FER1L5: variants seen among roughly 807,000 people sequenced by gnomAD.
FER1L5 encodes the protein fer-1 like family member 5, also known as fer-1-like protein 5.
A neutral mutation model predicts 279.9 loss-of-function variants in FER1L5; 187 were observed. The ratio of observed to expected loss-of-function variants is 0.67; its 90% CI spans 0.59 to 0.75. The LOEUF (loss-of-function observed/expected upper bound fraction) is 0.75, where lower values mean the gene tolerates loss of function less well. Among genes scored for constraint, FER1L5 ranks in the 30% least tolerant of loss-of-function variants. The pLI is 0.00. For missense variants in FER1L5, 2,091 were observed against 2,594.4 expected, an observed-to-expected ratio of 0.81 and a Z score of 4.21; for synonymous variants, 921 against 989.7, an observed-to-expected ratio of 0.93 and a Z score of 1.30.
At chr2:96,677,051 AG>A (rs1170528555) in intron 19 of FER1L5, among the ~76,000 whole-genome samples, 1 of 152,216 alleles carries the variant, frequency 6.6e-6, no homozygotes, top group Non-Finnish European at 1.5e-5. Flanking sequence ...CACGTTGGCC[AG>A]GCTGGTCTCG....
Position 96,656,495 on chromosome 2 carries a change from T to C in FER1L5, c.747+1999T>C, listed in dbSNP as rs2075605463. Among the ~76,000 whole-genome samples the C allele has an allele frequency of 2.0e-5, 3 of 152,304 alleles. No individual in the cohort carries two copies. In the South Asian group the frequency reaches 6.2e-4, roughly 32 times the overall value. On this transcript the variant is annotated intron_variant, in intron 9 of 52. Coordinates refer to ENST00000624922, the MANE Select transcript of FER1L5 (RefSeq NM_001293083.2). ...AAATACAGAAATTAGCTGGGTGTGG[T>C]GGCACATGCCTGTAATCCCAGCTAC...
In FER1L5 at chr2:96,702,536, G is replaced by A. The variant is rs551871000; in HGVS notation, c.5256-64G>A. On this transcript the variant is annotated intron_variant, in intron 47 of 52. Coordinates refer to ENST00000624922, the MANE Select transcript of FER1L5 (RefSeq NM_001293083.2). The surrounding 1 kb of genome is among the most constrained non-coding windows in gnomAD (Gnocchi z 4.0). ...GCGTCGGCTGGGCAGCCCTTCCCAT[G>A]GGGCTCCAGCTGGGGGATGGGGCCA... 231 of 1,550,990 alleles carry A rather than the reference G, an allele frequency of 1.5e-4. 3 individuals are homozygous for A. The South Asian group carries it at 2.5e-3, about 17-fold the overall frequency.
Position 96,701,987 on chromosome 2 carries a change from CAAG to C in FER1L5, c.5107_5109del (p.Lys1703del). ...TGCAAATGTGGGTGGACATCTTCCC[CAAG>C]AAGCTGGGGCCTCCTGGCCCCCAAG... On this transcript the variant is annotated inframe_deletion, in exon 46 of 53. Transcript: ENST00000624922. 6.2e-7 allele frequency: 1 copy of C among 1,614,002 alleles called. No individual in the cohort carries two copies. Among genetic ancestry groups the C allele is most frequent in the Non-Finnish European group, 8.5e-7 (1 of 1,179,890 alleles).
rs371465306 is a variant in FER1L5 at position 96,642,895 on chromosome 2, G to C, written c.59G>C (p.Arg20Thr). The C allele has an allele frequency of 8.4e-6, 13 of 1,551,056 alleles. No homozygotes were observed. In the African/African-American group the frequency reaches 1.4e-4, roughly 16 times the overall value. Residue 20 changes from arginine to threonine, a missense_variant, in exon 1 of 53, where the codon AGG (arginine) becomes ACG (threonine). Transcript: ENST00000624922. ...KIDPPLAPLP[R>T]PCMSIDFRDI... is the part of the protein sequence containing the mutation. ...GACCCACCACTAGCCCCACTACCCA[G>C]GCCCTGCATGTCCATCGACTTCAGA... is the stretch of plus-strand genomic sequence containing the variant.
At chr2:96,682,795 T>C (rs376190257) in intron 19 of FER1L5, among the ~76,000 whole-genome samples, 30 of 152,184 alleles carry the variant, frequency 2.0e-4, no homozygotes, top group East Asian at 3.9e-4. Context: ...AGCCTCAAAC[T>C]CCTGGGCTCA....
At chr2:96,704,189 C>G in intron 51 of FER1L5, 26 bp from the exon 52 acceptor site, 1 of 1,609,894 alleles carries the variant, frequency 6.2e-7, no homozygotes, top group Non-Finnish European at 8.5e-7. Flanking sequence ...CTGCCATTCT[C>G]TGACATCTCC....
At chr2:96,668,352 C>G (rs2076203333) in intron 14 of FER1L5, among the ~76,000 whole-genome samples, 1 of 150,156 alleles carries the variant, frequency 6.7e-6, no homozygotes, top group Admixed American at 6.6e-5. Context: ...AGTAAGGCAC[C>G]TGTCTCTACA....
At chr2:96,659,356 TC>T (rs1558853528) in intron 9 of FER1L5, among the ~76,000 whole-genome samples, 8 of 70,798 alleles carry the variant, frequency 1.1e-4, no homozygotes, top group African/African-American at 3.6e-4. Context: ...CTTCCTTCCT[TC>T]CTTCCTTCTT....
rs1455827134 is a variant in FER1L5, at chr2:96,685,265, T to A, written c.1795-64T>A. On this transcript the variant is annotated intron_variant, in intron 20 of 52. Transcript: ENST00000624922. ...AAACATCTTGGGCCAATCAGCCCTG[T>A]GGCCTGTCCAGCTGGGCTCCATGCT... 7.8e-6 allele frequency: 11 copies of A among 1,414,182 alleles called. No individual in the cohort carries two copies. In the Admixed American group the frequency reaches 8.2e-5, roughly 11 times the overall value. The allele number at this position is 1,414,182 out of a possible 1,614,324, so 87.6% of individuals were successfully genotyped here.
intron 39 of FER1L5, 96 bp from the exon 40 acceptor site, chr2:96,697,941 C>G: frequency 6.7e-7 from 1 of 1,496,436 alleles, no homozygotes; most frequent in Non-Finnish European, 9.0e-7. Flanking sequence ...CGCTGACTGC[C>G]AGATGCTTTG....
intron 19 of FER1L5, among the ~76,000 whole-genome samples, chr2:96,683,190 G>C (rs2076794372): frequency 6.6e-6 from 1 of 152,162 alleles, no homozygotes; most frequent in Non-Finnish European, 1.5e-5. Context: ...CTACAAGCCA[G>C]GTGGTTTTAG....
chr2:96,690,049 T>C (rs1451932512), intron 26 of FER1L5, among the ~76,000 whole-genome samples: 1 of 152,280 alleles, frequency 6.6e-6, no homozygotes, highest in South Asian at 2.1e-4. Context: ...CTGCTTGGGG[T>C]AGGCTAACCC....
In FER1L5 at chr2:96,704,785, C is replaced by A; in HGVS notation, c.*93C>A. 1 of 936,106 alleles carries A rather than the reference C, an allele frequency of 1.1e-6. No homozygotes were observed. Among genetic ancestry groups the A allele is most frequent in the Non-Finnish European group, 1.7e-6 (1 of 602,020 alleles). 58.0% of individuals were successfully genotyped at this position (936,106 alleles called of 1,614,324 possible). ...TTGTTTCTATCTTCTAGAATATATG[C>A]AAGATGCTAGGAATATTCTGGCTAT... On this transcript the variant is annotated 3_prime_UTR_variant, in exon 53 of 53. Coordinates refer to ENST00000624922, the MANE Select transcript of FER1L5 (RefSeq NM_001293083.2).
rs1558853348 is a variant in FER1L5, at chr2:96,659,348, TCCTTCCTTCCTTCC to T, written c.748-992_748-979del. ...TTCCTTCCTTCCTTCCTTCCTTCCT[TCCTTCCTTCCTTCC>T]TTCTTTCTTTCTTTCTTTCTTTCTT... On this transcript the variant is annotated intron_variant, in intron 9 of 52. Transcript: ENST00000624922. Among the ~76,000 whole-genome samples the T allele has an allele frequency of 1.6e-3, 131 of 81,498 alleles. 5 individuals are homozygous for T. The highest frequency in any genetic ancestry group is 2.9e-3 in the Admixed American group (17 of 5,856). The allele number at this position is 81,498 out of a possible 152,430, so 53.5% of individuals were successfully genotyped here.
intron 45 of FER1L5, 106 bp downstream of exon 45, chr2:96,700,577 C>T: frequency 6.8e-7 from 1 of 1,466,266 alleles, no homozygotes; most frequent in Non-Finnish European, 9.3e-7. Context: ...GAAGGACAGG[C>T]CAAACATTTA....
At chr2:96,701,390 G>A (rs1243004877) in intron 45 of FER1L5, among the ~76,000 whole-genome samples, 1 of 152,214 alleles carries the variant, frequency 6.6e-6, no homozygotes, top group Admixed American at 6.5e-5. Flanking sequence ...AGGTCAGGTG[G>A]TCTGAAAGGC....
chr2:96,701,697 C>T (rs191920930), intron 45 of FER1L5, among the ~76,000 whole-genome samples: 7 of 152,216 alleles, frequency 4.6e-5, no homozygotes, highest in Non-Finnish European at 7.4e-5. Context: ...CCAGACCTGT[C>T]GTAAGTGGAA....
chr2:96,671,471 C>A (rs1260797966), intron 18 of FER1L5, among the ~76,000 whole-genome samples: 1 of 152,164 alleles, frequency 6.6e-6, no homozygotes, highest in East Asian at 1.9e-4. Context: ...CCATGGGTGA[C>A]GAGGTGGTCA....
chr2:96,697,463 T>C, intron 37 of FER1L5, 63 bp from the exon 38 acceptor site: 1 of 1,572,756 alleles, frequency 6.4e-7, no homozygotes, highest in African/African-American at 1.3e-5. Context: ...CCCCCTCTCC[T>C]CTCTGAAGTC....
Sources: gnomAD v4.1 joint callset for allele counts (sites outside exome capture counted in the v4.1 genomes callset) on GRCh38, gnomAD v4.1.1 for gene constraint, Gnocchi (gnomAD v3.1) non-coding constraint, MANE v1.5 for transcripts, NCBI Gene and HGNC (gene_info 2026-07-23, HGNC 2026-07-21) for gene names.